Variants in SLC7A2 observed in about 807,000 individuals in gnomAD.
SLC7A2 encodes the protein cationic amino acid transporter 2.
SLC7A2 carries 48 observed loss-of-function variants against 58.9 expected under a neutral mutation model. The observed-to-expected ratio is 0.82, with a 90% CI of 0.65 to 1.04. The LOEUF (loss-of-function observed/expected upper bound fraction) is 1.04, where lower values mean the gene tolerates loss of function less well. Among genes scored for constraint, SLC7A2 ranks in the 50% least tolerant of loss-of-function variants. The pLI, the probability that SLC7A2 is intolerant of heterozygous loss-of-function variation, is 0.00. For missense variants in SLC7A2, 1,029 were observed against 818.8 expected (o/e 1.26, Z -3.13); for synonymous variants, 363 against 314.5 (o/e 1.15, Z -1.63).
rs1402410791 is a variant in SLC7A2 at position 17,560,324 on chromosome 8, A to G, written c.1299-4A>G. On this transcript the variant is annotated splice_polypyrimidine_tract_variant and splice_region_variant and intron_variant, in intron 9 of 12. Coordinates refer to ENST00000494857, the MANE Select transcript of SLC7A2 (RefSeq NM_001370338.1). ...TAAAGACATAGATGTTTGTTTGGAA[A>G]TAGGTACCAGCCTGGCTTATCTTAC... 2 of 1,611,942 alleles carry G rather than the reference A, an allele frequency of 1.2e-6. No homozygotes were observed. Among genetic ancestry groups the G allele is most frequent in the Admixed American group, 3.3e-5 (2 of 59,988 alleles).
intron 10 of SLC7A2, 109 bp downstream of exon 10, chr8:17,560,642 A>G: frequency 1.1e-6 from 1 of 884,628 alleles, no homozygotes; most frequent in Admixed American, 2.0e-5. Context: ...AGAATATATT[A>G]GCAACCACCC....
At chr8:17,553,083 C>T (rs1388054215) in intron 7 of SLC7A2, among the ~76,000 whole-genome samples, 1 of 152,144 alleles carries the variant, frequency 6.6e-6, no homozygotes, top group East Asian at 1.9e-4. Flanking sequence ...GAGACAGGGT[C>T]TTGCTCTGTC....
At chr8:17,532,208 C>T (rs562089599) in intron 2 of SLC7A2, among the ~76,000 whole-genome samples, 6 of 112,942 alleles carry the variant, frequency 5.3e-5, no homozygotes, top group Non-Finnish European at 9.9e-5. Flanking sequence ...CCAGCCTGGG[C>T]AACAGGGCAA....
intron 8 of SLC7A2, chr8:17,555,106 C>G (rs762550428): frequency 3.1e-6 from 5 of 1,611,668 alleles, no homozygotes; most frequent in Non-Finnish European, 4.2e-6. Flanking sequence ...ACTTAGGTTT[C>G]TTGAGCATTA....
At chr8:17,529,373 A>AAATC (rs150316195) in intron 2 of SLC7A2, among the ~76,000 whole-genome samples, 86,474 of 151,600 alleles carry the variant, frequency 0.57, 24,990 homozygotes, top group Non-Finnish European at 0.61. Flanking sequence ...CCAGCGAAAT[A>AAATC]CTATTTAGAA....
rs1040380931 is a variant in SLC7A2, at chr8:17,548,812, G to A, written c.667G>A (p.Glu223Lys). Residue 223 changes from glutamate (E) to lysine (K), a missense_variant, in exon 5 of 13, where the codon GAG becomes AAG. Transcript: ENST00000494857. The part of the protein sequence containing the change: ...GNVANWKISE[E>K]FLKNISASAR... ...TGTGGCAAACTGGAAGATTAGTGAA[G>A]AGTTTCTCAAAAATATATCAGCAAG... The A allele has an allele frequency of 2.5e-6, 4 of 1,611,590 alleles. No homozygotes were observed. The highest frequency in any genetic ancestry group is 3.4e-6 in the Non-Finnish European group (4 of 1,179,488).
chr8:17,543,846 A>T, intron 3 of SLC7A2, 131 bp downstream of exon 3: 1 of 720,216 alleles, frequency 1.4e-6, no homozygotes, highest in East Asian at 3.2e-5. Context: ...TGTCATCTCG[A>T]AAATGTCTCC....
intron 2 of SLC7A2, among the ~76,000 whole-genome samples, chr8:17,507,370 T>C (rs1800412990): frequency 1.3e-5 from 2 of 152,078 alleles, no homozygotes; most frequent in African/African-American, 4.8e-5. Flanking sequence ...TGTGTGTGTG[T>C]GCATTATTAT....
chr8:17,515,647 C>T (rs904730724), intron 2 of SLC7A2, among the ~76,000 whole-genome samples: 2 of 152,044 alleles, frequency 1.3e-5, no homozygotes, highest in African/African-American at 4.8e-5. Context: ...GGGTTTTTGG[C>T]AATGTGTGCT....
At chr8:17,531,727 T>G (rs542487944) in intron 2 of SLC7A2, among the ~76,000 whole-genome samples, 353 of 151,248 alleles carry the variant, frequency 2.3e-3, no homozygotes, top group South Asian at 0.01. Flanking sequence ...ATTTTAAGGG[T>G]TTTTTTTTCT....
chr8:17,518,740 A>C (rs1326486914), intron 2 of SLC7A2, among the ~76,000 whole-genome samples: 1 of 152,192 alleles, frequency 6.6e-6, no homozygotes, highest in Non-Finnish European at 1.5e-5. Flanking sequence ...AGAGTCAGAC[A>C]GACTTGATTT....
intron 2 of SLC7A2, among the ~76,000 whole-genome samples, chr8:17,524,834 C>T (rs990472911): frequency 6.6e-6 from 1 of 151,872 alleles, no homozygotes; most frequent in African/African-American, 2.4e-5. Context: ...CAGGGATTAA[C>T]ATACAGAGCC....
At position 17,544,582 on chromosome 8, in the gene SLC7A2, G is replaced by A. The variant is rs754982793; in HGVS notation, c.508G>A (p.Val170Met). The A allele has an allele frequency of 4.3e-6, 7 of 1,613,788 alleles. No individual in the cohort carries two copies. The highest frequency in any genetic ancestry group is 5.9e-6 in the Non-Finnish European group (7 of 1,179,902). ...TGCAGAATATCCCGATTTTTTTGCT[G>A]TGTGCCTTATATTACTTCTAGCAGG... The part of the protein sequence containing the change: ...GLAEYPDFFA[V>M]CLILLLAGLL... Residue 170 changes from valine (V) to methionine (M), a missense_variant, in exon 4 of 13, where the codon GTG (valine) becomes ATG (methionine). Physicochemically the swap from Val to Met is conservative, Grantham distance 21 (BLOSUM62 1). Coordinates refer to ENST00000494857, the MANE Select transcript of SLC7A2 (RefSeq NM_001370338.1).
At chr8:17,495,330 C>A (rs1033906714), upstream of SLC7A2, among the ~76,000 whole-genome samples, 5 of 152,112 alleles carry the variant, frequency 3.3e-5, no homozygotes, top group Non-Finnish European at 7.4e-5. Context: ...GTCATCGCTC[C>A]CTTGAACAAC....
At chr8:17,526,732 G>A (rs183881542) in intron 2 of SLC7A2, among the ~76,000 whole-genome samples, 5 of 152,144 alleles carry the variant, frequency 3.3e-5, no homozygotes, top group Admixed American at 6.6e-5. Context: ...AATTTCAGCA[G>A]CGTGTGGTAT....
chr8:17,548,844 G>T lies in SLC7A2; in HGVS notation c.698+1G>T. ...TCAAAAATATATCAGCAAGTGCCAG[G>T]TAAAATATTTGAGGTTTTTTTTTTT... On this transcript the variant is annotated splice_donor_variant, in intron 5 of 12. Transcript: ENST00000494857. LOFTEE classifies it high-confidence loss of function. 6.5e-7 allele frequency: 1 copy of T among 1,536,770 alleles called. No homozygotes were observed. Among genetic ancestry groups the T allele is most frequent in the Non-Finnish European group, 8.7e-7 (1 of 1,153,590 alleles).
intron 8 of SLC7A2, among the ~76,000 whole-genome samples, chr8:17,555,626 C>T (rs1377795317): frequency 3.3e-5 from 5 of 151,878 alleles, no homozygotes; most frequent in African/African-American, 1.2e-4. Flanking sequence ...GGTGGGCATC[C>T]TTGCTTCCAG....
At chr8:17,529,987 C>G (rs755548350) in intron 2 of SLC7A2, among the ~76,000 whole-genome samples, 3 of 152,122 alleles carry the variant, frequency 2.0e-5, no homozygotes, top group Non-Finnish European at 4.4e-5. Flanking sequence ...CAACCTAATA[C>G]GTCTTGAAGG....
intron 12 of SLC7A2, 103 bp downstream of exon 12, chr8:17,563,814 T>G: frequency 1.4e-6 from 1 of 719,658 alleles, no homozygotes; most frequent in South Asian, 1.8e-5. Context: ...TTTTCCCGCT[T>G]CTTTCTTTCC....
Sources: allele counts gnomAD v4.1 joint callset (sites outside exome capture counted in the v4.1 genomes callset), GRCh38; gene constraint gnomAD v4.1.1; transcripts MANE v1.5; gene names NCBI Gene and HGNC (gene_info 2026-07-23, HGNC 2026-07-21).